Variants in SLC25A21 observed in about 807,000 individuals in gnomAD.
SLC25A21 encodes mitochondrial 2-oxodicarboxylate carrier.
SLC25A21 carries 47 observed loss-of-function variants against 43.8 expected under a neutral mutation model. The observed-to-expected ratio is 1.07, with a 90% CI of 0.85 to 1.37. The LOEUF is 1.37. Among genes scored for constraint, SLC25A21 ranks in the 40% most tolerant of loss-of-function variants. The probability of loss-of-function intolerance (pLI) is 0.00; values close to 1 mark genes in which losing one functional copy is unlikely to be tolerated. For missense variants in SLC25A21, 352 were observed against 350.2 expected, an observed-to-expected ratio of 1.00 and a Z score of -0.04; for synonymous variants, 131 against 121.3, an observed-to-expected ratio of 1.08 and a Z score of -0.52.
intron 1 of SLC25A21, among the ~76,000 whole-genome samples, chr14:36,986,252 A>C (rs1342621827): frequency 6.6e-6 from 1 of 152,144 alleles, no homozygotes; most frequent in Non-Finnish European, 1.5e-5. Flanking sequence ...AATTCACAGC[A>C]ATATTTTCAA....
At chr14:36,786,122 A>G (rs1887242063) in intron 3 of SLC25A21, among the ~76,000 whole-genome samples, 1 of 152,184 alleles carries the variant, frequency 6.6e-6, no homozygotes, top group Non-Finnish European at 1.5e-5. Context: ...GCCTGGATTT[A>G]TTTATTAGCT....
intron 1 of SLC25A21, among the ~76,000 whole-genome samples, chr14:36,981,195 C>T (rs898045800): frequency 1.3e-5 from 2 of 152,120 alleles, no homozygotes; most frequent in Non-Finnish European, 2.9e-5. Flanking sequence ...ACTACAGGTG[C>T]TGGAGAAGAT....
chr14:36,703,761 AT>A (rs1883380541), intron 7 of SLC25A21, among the ~76,000 whole-genome samples: 1 of 152,226 alleles, frequency 6.6e-6, no homozygotes, highest in African/African-American at 2.4e-5. Context: ...TATTTTAATG[AT>A]TTTTATTTGC....
intron 2 of SLC25A21, among the ~76,000 whole-genome samples, chr14:36,868,445 C>T (rs1245973601): frequency 1.3e-5 from 2 of 152,210 alleles, no homozygotes; most frequent in African/African-American, 2.4e-5. Context: ...GAACACATCA[C>T]TTGTCATGCG....
chr14:37,011,776 T>C (rs1446122794), intron 1 of SLC25A21, among the ~76,000 whole-genome samples: 1 of 152,222 alleles, frequency 6.6e-6, no homozygotes, highest in African/African-American at 2.4e-5. Context: ...TGATCTTTTT[T>C]CAATTTTTGC....
At chr14:37,008,963 T>C (rs143566791) in intron 1 of SLC25A21, among the ~76,000 whole-genome samples, 3 of 152,296 alleles carry the variant, frequency 2.0e-5, no homozygotes, top group African/African-American at 7.2e-5. Context: ...AAGAGTAACA[T>C]GACTTATAGA....
chr14:36,825,182 G>A (rs1228611115), intron 2 of SLC25A21, among the ~76,000 whole-genome samples: 4 of 152,136 alleles, frequency 2.6e-5, no homozygotes, highest in South Asian at 2.1e-4. Flanking sequence ...GTTTAAGTGC[G>A]TACTGAATGC....
intron 7 of SLC25A21, among the ~76,000 whole-genome samples, chr14:36,693,887 C>T (rs992603926): frequency 4.6e-5 from 7 of 152,040 alleles, no homozygotes; most frequent in Non-Finnish European, 1.0e-4. Context: ...AACCCATCAG[C>T]CCCACAAAAG....
Position 36,734,586 on chromosome 14 carries a change from TAA to T in SLC25A21, c.204-15_204-14del, listed in dbSNP as rs1314201873. The stretch of plus-strand genomic sequence containing the variant: ...AAAACCAAATAACCTGTTGGAGAAA[TAA>T]AAGATTTCCTATGAGTAAGGAAATT... On this transcript the variant is annotated splice_polypyrimidine_tract_variant and intron_variant, in intron 3 of 9. Coordinates refer to ENST00000331299, the MANE Select transcript of SLC25A21 (RefSeq NM_030631.4). The T allele has an allele frequency of 1.3e-6, 2 of 1,590,940 alleles. No individual in the cohort carries two copies. The highest frequency in any genetic ancestry group is 2.7e-5 in the African/African-American group (2 of 74,404).
At chr14:36,850,615 T>A (rs1465790540) in intron 2 of SLC25A21, among the ~76,000 whole-genome samples, 2 of 152,146 alleles carry the variant, frequency 1.3e-5, no homozygotes, top group Non-Finnish European at 2.9e-5. Context: ...ATTGTAACCA[T>A]CCTGGAAAAG....
intron 1 of SLC25A21, among the ~76,000 whole-genome samples, chr14:36,923,326 T>C (rs1892033508): frequency 6.6e-6 from 1 of 152,066 alleles, no homozygotes; most frequent in South Asian, 2.1e-4. Context: ...TAAAAAAATA[T>C]GCCACAGAAA....
At chr14:36,960,928 A>G (rs1959474667) in intron 1 of SLC25A21, among the ~76,000 whole-genome samples, 1 of 152,226 alleles carries the variant, frequency 6.6e-6, no homozygotes, top group Admixed American at 6.5e-5. Flanking sequence ...CACAGTATGC[A>G]CAATGACCTA....
intron 1 of SLC25A21, among the ~76,000 whole-genome samples, chr14:37,086,629 T>C (rs910901630): frequency 6.6e-6 from 1 of 152,194 alleles, no homozygotes; most frequent in African/African-American, 2.4e-5. Flanking sequence ...ACTAGCTGCA[T>C]GACACTGGCC....
intron 2 of SLC25A21, among the ~76,000 whole-genome samples, chr14:36,816,761 C>T (rs972346679): frequency 3.9e-5 from 6 of 152,126 alleles, no homozygotes; most frequent in Non-Finnish European, 7.4e-5. Flanking sequence ...GCCTCGGTCT[C>T]CCAAAGTGCT....
intron 2 of SLC25A21, among the ~76,000 whole-genome samples, chr14:36,853,726 C>A (rs773765329): frequency 6.6e-6 from 1 of 152,162 alleles, no homozygotes; most frequent in Non-Finnish European, 1.5e-5. Context: ...GCTGGACCAG[C>A]GACAAATGCC....
intron 7 of SLC25A21, among the ~76,000 whole-genome samples, chr14:36,706,516 G>A (rs1020669422): frequency 2.0e-5 from 3 of 151,968 alleles, no homozygotes; most frequent in African/African-American, 7.3e-5. Flanking sequence ...TCCAACCCAC[G>A]GACTTAACGT....
chr14:37,089,637 T>C (rs886531889), intron 1 of SLC25A21, among the ~76,000 whole-genome samples: 1 of 152,160 alleles, frequency 6.6e-6, no homozygotes, highest in African/African-American at 2.4e-5. Flanking sequence ...GAGACTTTCT[T>C]AGAGAGTAAG....
chr14:37,169,994 A>G (rs1438066682), intron 1 of SLC25A21, among the ~76,000 whole-genome samples: 1 of 152,086 alleles, frequency 6.6e-6, no homozygotes, highest in African/African-American at 2.4e-5. Context: ...TTTATGCCAA[A>G]TACTTATCAC....
intron 6 of SLC25A21, among the ~76,000 whole-genome samples, chr14:36,720,080 C>T (rs573080701): frequency 5.3e-5 from 8 of 152,296 alleles, no homozygotes; most frequent in African/African-American, 1.9e-4. Context: ...GCCAGGCCCA[C>T]CCCACATGGC....
Sources: allele counts gnomAD v4.1 joint callset (sites outside exome capture counted in the v4.1 genomes callset), GRCh38; gene constraint gnomAD v4.1.1; transcripts MANE v1.5; gene names NCBI Gene and HGNC (gene_info 2026-07-23, HGNC 2026-07-21).